REV1: variants seen among roughly 807,000 people sequenced by gnomAD.
The protein encoded by REV1 is REV1 DNA directed polymerase.
In REV1, 42 loss-of-function variants were observed where a neutral mutation model predicts 137.4. The observed-to-expected ratio is 0.31, with a 90% confidence interval of 0.24 to 0.40. REV1 has a LOEUF of 0.40. Among genes scored for constraint, REV1 ranks in the 10% least tolerant of loss-of-function variants. REV1 has a pLI of 1.00. For missense variants in REV1, 1,282 were observed against 1,490.1 expected (o/e 0.86, Z 2.30); for synonymous variants, 524 against 519.2 (o/e 1.01, Z -0.12).
At position 99,437,338 on chromosome 2, in the gene REV1, T is replaced by C. The variant is rs148790418; in HGVS notation, c.1213+1263A>G. On this transcript the variant is annotated intron_variant, in intron 6 of 22. Coordinates refer to ENST00000258428, the MANE Select transcript of REV1 (RefSeq NM_016316.4). ...TGAGGCAAACATCATGGACTATCTA[T>C]CACTTCTATTCACAAAGAAAACTAA... Among the ~76,000 whole-genome samples, 37 of 152,130 alleles carry C rather than the reference T, an allele frequency of 2.4e-4. 1 individual carries two copies. The East Asian group carries it at 6.8e-3, about 28-fold the overall frequency.
intron 12 of REV1, among the ~76,000 whole-genome samples, chr2:99,415,791 A>C (rs1394876823): frequency 2.6e-5 from 4 of 152,280 alleles, no homozygotes; most frequent in Non-Finnish European, 2.9e-5. Context: ...CTAGATGCAC[A>C]AACCTAGCAA....
At chr2:99,441,896 T>C (rs1215856000) in intron 5 of REV1, among the ~76,000 whole-genome samples, 2 of 152,224 alleles carry the variant, frequency 1.3e-5, no homozygotes, top group East Asian at 1.9e-4. Flanking sequence ...TATAAGTGAA[T>C]GGCCAGGGTT....
intron 4 of REV1, 87 bp from the exon 5 acceptor site, chr2:99,442,556 G>T: frequency 8.1e-7 from 1 of 1,233,684 alleles, no homozygotes; most frequent in Non-Finnish European, 1.2e-6. Flanking sequence ...TAAAGATACA[G>T]TATTTCACCA....
intron 1 of REV1, among the ~76,000 whole-genome samples, chr2:99,473,680 T>G (rs1685664269): frequency 1.3e-5 from 2 of 152,260 alleles, no homozygotes; most frequent in Admixed American, 1.3e-4. Context: ...ATTTTCCTGT[T>G]GCTAATTTTT....
At chr2:99,434,293 C>G in intron 8 of REV1, 39 bp downstream of exon 8, 1 of 1,363,274 alleles carries the variant, frequency 7.3e-7, no homozygotes, top group Non-Finnish European at 1.0e-6. Context: ...AGAAGCCATC[C>G]ACAGGAGCAC....
rs1204697286 is a variant in REV1 at position 99,412,714 on chromosome 2, T to C, written c.2172+17A>G. On this transcript the variant is annotated intron_variant, in intron 13 of 22. Coordinates refer to ENST00000258428, the MANE Select transcript of REV1 (RefSeq NM_016316.4). ...ATAAAGAGCAACAGATGGCAAAATC[T>C]GTTCAATGATCAGTACCTGAGTAAA... The C allele has an allele frequency of 6.3e-7, 1 of 1,592,460 alleles. No individual in the cohort carries two copies. Among genetic ancestry groups the C allele is most frequent in the East Asian group, 2.2e-5 (1 of 44,744 alleles).
At chr2:99,424,350 T>C in intron 9 of REV1, 70 bp from the exon 10 acceptor site, 8 of 1,467,130 alleles carry the variant, frequency 5.5e-6, no homozygotes, top group East Asian at 2.3e-5. Flanking sequence ...ATCAAATATG[T>C]TGATATCTCC....
At chr2:99,439,971 A>G (rs796586332) in intron 5 of REV1, among the ~76,000 whole-genome samples, 3 of 152,352 alleles carry the variant, frequency 2.0e-5, no homozygotes, top group African/African-American at 7.2e-5. Context: ...AAATAGACAA[A>G]AAGTAAAGCC....
rs752441967 is a variant in REV1 at position 99,404,624 on chromosome 2, C to A, written c.2865G>T (p.Glu955Asp). Reference protein sequence around the residue: ...ALPPDLREQVEQVCAVQQAES... With the variant: ...ALPPDLREQVDQVCAVQQAES... ...CTGCTTGCTGGACAGCACAGACTTGCTCTACTTGTTCCCGGAGATCAGGTG... is the reference window on the plus strand; with the variant it reads ...CTGCTTGCTGGACAGCACAGACTTGATCTACTTGTTCCCGGAGATCAGGTG... The change falls in exon 18 of 23, where the codon GAG (glutamate) becomes GAT (aspartate). Residue 955 changes from glutamate (E) to aspartate (D), a missense_variant. Physicochemically the swap from Glu to Asp is conservative, Grantham distance 45. Coordinates refer to ENST00000258428, the MANE Select transcript of REV1 (RefSeq NM_016316.4). 1.2e-6 allele frequency: 2 copies of A among 1,612,378 alleles called. No homozygotes were observed. Among genetic ancestry groups the A allele is most frequent in the South Asian group, 2.2e-5 (2 of 90,604 alleles).
At chr2:99,489,261 T>C (rs941885687) in intron 1 of REV1, among the ~76,000 whole-genome samples, 8 of 152,190 alleles carry the variant, frequency 5.3e-5, no homozygotes, top group Non-Finnish European at 8.8e-5. Flanking sequence ...GGTTCTGGGA[T>C]GCACCGGGGA....
intron 10 of REV1, 45 bp from the exon 11 acceptor site, chr2:99,421,698 A>C: frequency 6.3e-7 from 1 of 1,584,432 alleles, no homozygotes; most frequent in Non-Finnish European, 8.6e-7. Context: ...CACAGCCACC[A>C]TCTGGTAGAC....
rs1402502951 is a variant in REV1 at position 99,426,363 on chromosome 2, AT to A, written c.1548-2084del. 3.9e-5 allele frequency among the ~76,000 whole-genome samples: 6 copies of A among 151,920 alleles called. No individual in the cohort carries two copies. The South Asian group carries it at 8.3e-4, about 21-fold the overall frequency. On this transcript the variant is annotated intron_variant, in intron 9 of 22. Transcript: ENST00000258428. ...ATTCTATCTCAAAAAAAAAAAAAAA[AT>A]GTGTTTATAATCCCTATAAATATCA...
In REV1 at chr2:99,406,147, C is replaced by T. The variant is rs368515595; in HGVS notation, c.2615-41G>A. On this transcript the variant is annotated intron_variant, in intron 16 of 22. Transcript: ENST00000258428. ...ATATAAAATAGCCTCTTCAGATCAT[C>T]GGGCAGGGCCTTTAATCCTCTGTCC... The T allele has an allele frequency of 4.8e-4, 733 of 1,520,104 alleles. 1 individual carries two copies. The highest frequency in any genetic ancestry group is 5.7e-4 in the Non-Finnish European group (642 of 1,123,690). 94.2% of individuals were successfully genotyped at this position (1,520,104 alleles called of 1,614,324 possible).
intron 1 of REV1, among the ~76,000 whole-genome samples, chr2:99,486,616 TAC>T: frequency 6.6e-6 from 1 of 152,340 alleles, no homozygotes; most frequent in East Asian, 1.9e-4. Flanking sequence ...TAGGTATTAT[TAC>T]AGTCATCCTA....
Position 99,449,663 on chromosome 2 carries a change from G to A in REV1, c.182-159C>T, listed in dbSNP as rs187610008. On this transcript the variant is annotated intron_variant, in intron 3 of 22. Transcript: ENST00000258428. ...AAAGCTGGGAGGTAAATCACAAAGT[G>A]AGAAAGCTATGTTGCTTTTAGTACA... 3.1e-5 allele frequency among the ~76,000 whole-genome samples: 4 copies of A among 127,394 alleles called. No individual in the cohort carries two copies. In the Admixed American group the frequency reaches 3.4e-4, roughly 11 times the overall value. 83.6% of individuals were successfully genotyped at this position (127,394 alleles called of 152,430 possible).
At chr2:99,458,439 T>C (rs1683772907) in intron 3 of REV1, among the ~76,000 whole-genome samples, 1 of 152,224 alleles carries the variant, frequency 6.6e-6, no homozygotes, top group Admixed American at 6.5e-5. Context: ...CACTGAATGC[T>C]GGCAAGGATG....
chr2:99,421,792 T>C, intron 10 of REV1, 139 bp from the exon 11 acceptor site: 2 of 863,256 alleles, frequency 2.3e-6, no homozygotes, highest in Non-Finnish European at 3.3e-6. Flanking sequence ...GAAGTACCAT[T>C]TTAGTCACCC....
At chr2:99,415,173 G>A (rs1233884230) in intron 12 of REV1, among the ~76,000 whole-genome samples, 1 of 152,210 alleles carries the variant, frequency 6.6e-6, no homozygotes, top group Non-Finnish European at 1.5e-5. Flanking sequence ...AGGGCTGCTA[G>A]TTTTAACTAA....
intron 11 of REV1, among the ~76,000 whole-genome samples, chr2:99,420,598 C>T (rs991879231): frequency 5.3e-5 from 8 of 152,212 alleles, no homozygotes; most frequent in African/African-American, 1.7e-4. Flanking sequence ...CTGTGTAGCA[C>T]GGTGTGCCCC....
Sources: gnomAD v4.1 joint callset for allele counts (sites outside exome capture counted in the v4.1 genomes callset) on GRCh38, gnomAD v4.1.1 for gene constraint, MANE v1.5 for transcripts, NCBI Gene and HGNC (gene_info 2026-07-23, HGNC 2026-07-21) for gene names.